The following PRKCA variants were observed in gnomAD, a reference collection of about 807,000 sequenced individuals.
The protein encoded by PRKCA is protein kinase C alpha type.
In PRKCA, 27 loss-of-function variants were observed where a neutral mutation model predicts 87.0. The ratio of observed to expected loss-of-function variants is 0.31; its 90% confidence interval spans 0.23 to 0.43. The LOEUF is 0.43. Ranked by LOEUF, PRKCA falls within the 20% of genes least tolerant of loss-of-function variation. The pLI is 1.00. For missense variants in PRKCA, 518 were observed against 852.3 expected, an observed-to-expected ratio of 0.61 and a Z score of 4.88; for synonymous variants, 329 against 311.1, an observed-to-expected ratio of 1.06 and a Z score of -0.61.
intron 14 of PRKCA, chr17:66,775,542 A>G: frequency 1.0e-6 from 1 of 985,412 alleles, no homozygotes; most frequent in Non-Finnish European, 1.2e-6. Flanking sequence ...ACTAAACATG[A>G]TTCTGCCGTG....
At chr17:66,471,449 A>G (rs187444761) in intron 2 of PRKCA, among the ~76,000 whole-genome samples, 1 of 152,322 alleles carries the variant, frequency 6.6e-6, no homozygotes, top group African/African-American at 2.4e-5. Context: ...CAGAATAGGT[A>G]ACCACTGAAG....
chr17:66,534,033 A>T (rs9898205), intron 3 of PRKCA, among the ~76,000 whole-genome samples: 97,334 of 150,632 alleles, frequency 0.65, 32,348 homozygotes, highest in African/African-American at 0.8. Context: ...AGAGGCAATA[A>T]GAAGAACATG....
chr17:66,440,273 C>A lies in PRKCA; in HGVS notation c.206-55928C>A, dbSNP rs1037563407. On this transcript the variant is annotated intron_variant, in intron 2 of 16. Coordinates refer to ENST00000413366, the MANE Select transcript of PRKCA (RefSeq NM_002737.3). Reference sequence around the variant, plus strand: ...TGGTTTTAAGAGCCCCCCACCAGTTCCCTAAAGCTACAGGACGGAAAGGAC... The same window carrying A: ...TGGTTTTAAGAGCCCCCCACCAGTTACCTAAAGCTACAGGACGGAAAGGAC... Among the ~76,000 whole-genome samples the A allele has an allele frequency of 2.0e-5, 3 of 152,196 alleles. No homozygotes were observed. In the South Asian group the frequency reaches 6.2e-4, roughly 32 times the overall value.
At chr17:66,633,075 G>C (rs1971064829) in intron 3 of PRKCA, among the ~76,000 whole-genome samples, 1 of 152,164 alleles carries the variant, frequency 6.6e-6, no homozygotes, top group Admixed American at 6.5e-5. Context: ...CATCCAACAA[G>C]ATCAGTATGG....
chr17:66,625,876 C>T (rs987404878), intron 3 of PRKCA, among the ~76,000 whole-genome samples: 3 of 152,178 alleles, frequency 2.0e-5, no homozygotes, highest in African/African-American at 7.2e-5. Context: ...GAACCTCCGT[C>T]TCTTCATCTT....
intron 2 of PRKCA, among the ~76,000 whole-genome samples, chr17:66,424,772 C>T (rs905697409): frequency 1.3e-5 from 2 of 149,220 alleles, no homozygotes; most frequent in Non-Finnish European, 3.0e-5. Flanking sequence ...TTTTTTGTGA[C>T]AGAGTCTTGC....
chr17:66,621,935 C>T (rs186642899), intron 3 of PRKCA, among the ~76,000 whole-genome samples: 1 of 152,306 alleles, frequency 6.6e-6, no homozygotes, highest in Non-Finnish European at 1.5e-5. Flanking sequence ...GTTGCAGTGG[C>T]TCCTACCTCT....
intron 3 of PRKCA, among the ~76,000 whole-genome samples, chr17:66,627,919 C>A (rs776954543): frequency 2.0e-5 from 3 of 152,188 alleles, no homozygotes; most frequent in Non-Finnish European, 4.4e-5. Flanking sequence ...TGGCTTGCTA[C>A]AATCGAAGAG....
intron 8 of PRKCA, among the ~76,000 whole-genome samples, chr17:66,721,961 C>A (rs898383833): frequency 1.3e-5 from 2 of 152,146 alleles, no homozygotes; most frequent in African/African-American, 4.8e-5. Flanking sequence ...AACAGTACTT[C>A]AGAGGCTGCC....
intron 2 of PRKCA, among the ~76,000 whole-genome samples, chr17:66,412,188 C>A (rs1413262698): frequency 6.6e-6 from 1 of 152,008 alleles, no homozygotes; most frequent in Non-Finnish European, 1.5e-5. Flanking sequence ...CCTCCCACCT[C>A]AGCCTCCCAA....
chr17:66,808,942 C>CAGGATGG lies in PRKCA; in HGVS notation c.*4905_*4906insAGGATGG. On this transcript the variant is annotated 3_prime_UTR_variant, in exon 17 of 17. Transcript: ENST00000413366. ...GCCAGGATGGTCTTGAACCCCTGACCTCATGATCTGCCTGCCTCGGCCTCC... is the reference window on the plus strand; with the variant it reads ...GCCAGGATGGTCTTGAACCCCTGACCAGGATGGTCATGATCTGCCTGCCTCGGCCTCC... 1.3e-5 allele frequency: 2 copies of CAGGATGG among 152,224 alleles called. 1 individual carries two copies. Among genetic ancestry groups the CAGGATGG allele is most frequent in the East Asian group, 3.9e-4 (2 of 5,192 alleles). 9.4% of individuals were successfully genotyped at this position (152,224 alleles called of 1,614,324 possible).
chr17:66,749,238 C>T (rs1160856169), intron 13 of PRKCA, among the ~76,000 whole-genome samples: 1 of 152,070 alleles, frequency 6.6e-6, no homozygotes. Flanking sequence ...GCCCCAAGAC[C>T]CTTTAGCACC....
intron 3 of PRKCA, among the ~76,000 whole-genome samples, chr17:66,613,629 C>G (rs1007742742): frequency 2.6e-5 from 4 of 152,100 alleles, no homozygotes; most frequent in African/African-American, 9.7e-5. Context: ...CCCCTGTGTT[C>G]CCCAGCTTGC....
intron 3 of PRKCA, among the ~76,000 whole-genome samples, chr17:66,529,178 A>C (rs1967452792): frequency 6.6e-6 from 1 of 152,212 alleles, no homozygotes; most frequent in Admixed American, 6.5e-5. Flanking sequence ...TTAAGCTAAA[A>C]ACACGTTTTT....
chr17:66,794,681 C>T (rs1178677813), intron 16 of PRKCA, among the ~76,000 whole-genome samples: 2 of 147,160 alleles, frequency 1.4e-5, no homozygotes, highest in Non-Finnish European at 3.0e-5. Flanking sequence ...AGTGCAGTGG[C>T]GCGATATCAG....
At chr17:66,497,163 C>CA (rs1340296151) in intron 3 of PRKCA, among the ~76,000 whole-genome samples, 1 of 152,088 alleles carries the variant, frequency 6.6e-6, no homozygotes, top group African/African-American at 2.4e-5. Flanking sequence ...TCTTTGTGGA[C>CA]AATTCTGATG....
chr17:66,567,444 A>G, intron 3 of PRKCA, among the ~76,000 whole-genome samples: 1 of 152,070 alleles, frequency 6.6e-6, no homozygotes, highest in South Asian at 2.1e-4. Flanking sequence ...CAGGGCAATA[A>G]GGCCCTTAAG....
At chr17:66,406,612 A>ATTTTT (rs1911416787) in intron 2 of PRKCA, among the ~76,000 whole-genome samples, 1 of 16,150 alleles carries the variant, frequency 6.2e-5, no homozygotes, top group South Asian at 2.9e-3. Context: ...TTTTTTTTAA[A>ATTTTT]TGTCATAGAA....
rs1418689755 is a variant in PRKCA at position 66,792,213 on chromosome 17, C to G, written c.1854+3234C>G. ...GCAGGCTTAAGGACAGGTAGCTGTT[C>G]TCACGTGCGGTGATGCTCCTGGCTC... is the stretch of plus-strand genomic sequence containing the variant. On this transcript the variant is annotated intron_variant, in intron 16 of 16. Transcript: ENST00000413366. This position sits in a 1 kb window ranked among gnomAD's most constrained non-coding sequence, Gnocchi z 4.5. 6.6e-6 allele frequency among the ~76,000 whole-genome samples: 1 copy of G among 152,188 alleles called. No homozygotes were observed. Among genetic ancestry groups the G allele is most frequent in the African/African-American group, 2.4e-5 (1 of 41,454 alleles).
Sources: allele counts gnomAD v4.1 joint callset (sites outside exome capture counted in the v4.1 genomes callset), GRCh38; gene constraint gnomAD v4.1.1; non-coding constraint Gnocchi (gnomAD v3.1); transcripts MANE v1.5; gene names NCBI Gene and HGNC (gene_info 2026-07-23, HGNC 2026-07-21).